CAND2: variants seen among roughly 807,000 people sequenced by gnomAD.
CAND2 encodes cullin associated and neddylation dissociated 2 (putative), also known as cullin-associated NEDD8-dissociated protein 2.
CAND2 carries 62 observed loss-of-function variants against 98.9 expected under a neutral mutation model. The ratio of observed to expected loss-of-function variants is 0.63; its 90% CI spans 0.51 to 0.77. The LOEUF (loss-of-function observed/expected upper bound fraction) is 0.77. Among genes scored for constraint, CAND2 ranks in the 30% least tolerant of loss-of-function variants. The pLI is 0.00. For missense variants in CAND2, 1,501 were observed against 1,655.2 expected (o/e 0.91, Z 1.62); for synonymous variants, 770 against 731.9 (o/e 1.05, Z -0.84).
intron 7 of CAND2, among the ~76,000 whole-genome samples, chr3:12,814,112 G>A (rs1007025229): frequency 1.3e-5 from 2 of 152,226 alleles, no homozygotes; most frequent in African/African-American, 4.8e-5. Flanking sequence ...ATGTGTGTTC[G>A]TGGGTGGCCT....
At chr3:12,812,016 A>T (rs1368471585) in intron 5 of CAND2, among the ~76,000 whole-genome samples, 2 of 151,480 alleles carry the variant, frequency 1.3e-5, no homozygotes, top group African/African-American at 4.9e-5. Context: ...GGTTCAAGCA[A>T]TTCTGCCTCA....
At chr3:12,822,154 C>G (rs2061961200) in intron 11 of CAND2, among the ~76,000 whole-genome samples, 1 of 152,126 alleles carries the variant, frequency 6.6e-6, no homozygotes. Context: ...TTCTCTCCCA[C>G]TTATTTATTC....
At position 12,796,780 on chromosome 3, in the gene CAND2, G is replaced by T; in HGVS notation, c.60G>T (p.Lys20Asn). 6.3e-7 allele frequency: 1 copy of T among 1,587,074 alleles called. No individual in the cohort carries two copies. The highest frequency in any genetic ancestry group is 1.3e-5 in the African/African-American group (1 of 74,524). Reference sequence around the variant, plus strand: ...TGGAGAAGATGACGTCCAGCGACAAGGACTTCAGGTGCAGCCCGCCGCCGG... The same window carrying T: ...TGGAGAAGATGACGTCCAGCGACAATGACTTCAGGTGCAGCCCGCCGCCGG... ...SLLEKMTSSD[K>N]DFRFMATSDL... The change falls in exon 1 of 15, where the codon AAG (lysine) becomes AAT (asparagine). Residue 20 changes from lysine to asparagine, a missense_variant. Lys to Asn is a moderately conservative substitution (Grantham distance 94). Transcript: ENST00000456430.
intron 7 of CAND2, among the ~76,000 whole-genome samples, chr3:12,814,111 C>T (rs927452168): frequency 1.2e-4 from 18 of 152,164 alleles, no homozygotes; most frequent in Admixed American, 3.9e-4. Context: ...GATGTGTGTT[C>T]GTGGGTGGCC....
chr3:12,811,129 G>C (rs554078151), intron 5 of CAND2, among the ~76,000 whole-genome samples: 3 of 152,224 alleles, frequency 2.0e-5, no homozygotes, highest in South Asian at 2.1e-4. Flanking sequence ...GGGGGTGGGG[G>C]GGGGAACCCC....
chr3:12,800,514 G>A (rs1040740350), intron 1 of CAND2, among the ~76,000 whole-genome samples: 6 of 152,076 alleles, frequency 3.9e-5, no homozygotes, highest in Admixed American at 6.6e-5. Context: ...GTATCTCCTC[G>A]CTGCTCTGTC....
chr3:12,831,066 CT>C (rs1553639697), intron 13 of CAND2, among the ~76,000 whole-genome samples: 8 of 151,140 alleles, frequency 5.3e-5, no homozygotes, highest in African/African-American at 1.2e-4. Context: ...AAAATCGAGA[CT>C]TTTTTTTTAC....
In CAND2 at chr3:12,798,407, CTGG is replaced by C. The variant is rs1421655483; in HGVS notation, c.68+1620_68+1622del. 4.6e-5 allele frequency among the ~76,000 whole-genome samples: 7 copies of C among 152,146 alleles called. No individual in the cohort carries two copies. The South Asian group carries it at 1.4e-3, about 32-fold the overall frequency. Reference sequence around the variant, plus strand: ...TTCAGCCCTGGGAGACCCTGAGCTCCTGGGCCACTGGGACTATGCACTTCCTCT... The same window carrying C: ...TTCAGCCCTGGGAGACCCTGAGCTCCGCCACTGGGACTATGCACTTCCTCT... On this transcript the variant is annotated intron_variant, in intron 1 of 14. Transcript: ENST00000456430.
chr3:12,819,667 CTCTT>C (rs1163090077), intron 10 of CAND2, among the ~76,000 whole-genome samples: 1 of 152,222 alleles, frequency 6.6e-6, no homozygotes, highest in Non-Finnish European at 1.5e-5. Context: ...CTCTGAGTCT[CTCTT>C]TCCTCATATG....
At chr3:12,798,125 GAT>G (rs780818884) in intron 1 of CAND2, among the ~76,000 whole-genome samples, 14 of 151,976 alleles carry the variant, frequency 9.2e-5, no homozygotes, top group African/African-American at 3.1e-4. Flanking sequence ...GATTAAATAA[GAT>G]AGTACATGTG....
rs993019070 is a variant in CAND2 at position 12,815,425 on chromosome 3, C to T, written c.1291C>T (p.Arg431Cys). The change falls in exon 8 of 15, where the codon CGT (arginine) becomes TGT (cysteine). Residue 431 changes from arginine (R) to cysteine (C), a missense_variant. Physicochemically the swap from Arg to Cys is radical, Grantham distance 180. Coordinates refer to ENST00000456430, the MANE Select transcript of CAND2 (RefSeq NM_001162499.2). The surrounding 1 kb of genome is among the most constrained non-coding windows in gnomAD (Gnocchi z 5.7). ...TQTGSNLHMLRGQVPLVVKAL... is the reference protein window; with the variant it reads ...TQTGSNLHMLCGQVPLVVKAL... ...GACCGGCAGCAACCTCCATATGCTACGTGGACAGGTGGGCGTGCCTTCACC... is the reference window on the plus strand; with the variant it reads ...GACCGGCAGCAACCTCCATATGCTATGTGGACAGGTGGGCGTGCCTTCACC... The T allele has an allele frequency of 8.7e-6, 14 of 1,608,468 alleles. No individual in the cohort carries two copies. Among genetic ancestry groups the T allele is most frequent in the African/African-American group, 4.0e-5 (3 of 74,820 alleles).
intron 11 of CAND2, among the ~76,000 whole-genome samples, chr3:12,821,606 G>T (rs1023854296): frequency 6.6e-6 from 1 of 152,148 alleles, no homozygotes; most frequent in Non-Finnish European, 1.5e-5. Flanking sequence ...CCATTGTAAC[G>T]GAGCTGCCCT....
intron 5 of CAND2, 69 bp downstream of exon 5, chr3:12,810,393 T>C (rs2061842783): frequency 2.3e-6 from 3 of 1,302,860 alleles, no homozygotes; most frequent in Non-Finnish European, 2.0e-6. Flanking sequence ...AATGACTCGG[T>C]AAAGGGGCGG....
intron 1 of CAND2, among the ~76,000 whole-genome samples, chr3:12,800,714 GTTTTGT>G (rs1305962602): frequency 1.3e-5 from 2 of 152,078 alleles, no homozygotes; most frequent in East Asian, 1.9e-4. Flanking sequence ...GGAAGTCAGT[GTTTTGT>G]TTTTGTTTTT....
chr3:12,821,412 A>C (rs2061956341), intron 11 of CAND2, among the ~76,000 whole-genome samples: 1 of 152,154 alleles, frequency 6.6e-6, no homozygotes, highest in South Asian at 2.1e-4. Flanking sequence ...TAAATAAAAA[A>C]AAAGGAACGG....
At chr3:12,814,745 C>T (rs2124851004) in intron 7 of CAND2, among the ~76,000 whole-genome samples, 1 of 152,226 alleles carries the variant, frequency 6.6e-6, no homozygotes, top group East Asian at 1.9e-4. Flanking sequence ...ACTTGGAAGT[C>T]TGTTTTTTCC....
chr3:12,810,272 C>T lies in CAND2; in HGVS notation c.705C>T (p.Arg235=), dbSNP rs2061840916. ...PRVPTSPTAI[R]TLIQCLGSVG... ...TGCCCACCAGCCCGACTGCCATCCG[C>T]ACCCTGATCCAATGTTTGGGCAGCG... Residue 235 remains arginine, a synonymous_variant, in exon 5 of 15, where the codon CGC becomes CGT. Coordinates refer to ENST00000456430, the MANE Select transcript of CAND2 (RefSeq NM_001162499.2). The T allele has an allele frequency of 6.7e-7, 1 of 1,502,124 alleles. No homozygotes were observed. Among genetic ancestry groups the T allele is most frequent in the Non-Finnish European group, 8.9e-7 (1 of 1,126,312 alleles). 93.0% of individuals were successfully genotyped at this position (1,502,124 alleles called of 1,614,324 possible). A position where few individuals can be genotyped will look rare whatever the true frequency, so the allele number is the denominator to read the frequency against.
At chr3:12,811,284 A>C (rs1163004939) in intron 5 of CAND2, among the ~76,000 whole-genome samples, 1 of 152,164 alleles carries the variant, frequency 6.6e-6, no homozygotes, top group Non-Finnish European at 1.5e-5. Context: ...GGGTCCCCAG[A>C]TACCCAGACA....
intron 11 of CAND2, among the ~76,000 whole-genome samples, chr3:12,821,506 C>T (rs753690025): frequency 5.3e-5 from 8 of 152,198 alleles, no homozygotes; most frequent in Admixed American, 1.3e-4. Flanking sequence ...CTGGAGAACA[C>T]GTGCAGAAGC....
Sources: allele counts gnomAD v4.1 joint callset (sites outside exome capture counted in the v4.1 genomes callset), GRCh38; gene constraint gnomAD v4.1.1; non-coding constraint Gnocchi (gnomAD v3.1); transcripts MANE v1.5; gene names NCBI Gene and HGNC (gene_info 2026-07-23, HGNC 2026-07-21).